GOLGA3: variants seen among roughly 807,000 people sequenced by gnomAD.
GOLGA3 encodes golgin subfamily A member 3.
A neutral mutation model predicts 169.4 loss-of-function variants in GOLGA3; 75 were observed. The observed-to-expected ratio is 0.44, with a 90% CI of 0.37 to 0.54. The LOEUF (loss-of-function observed/expected upper bound fraction) is 0.54, where lower values mean the gene tolerates loss of function less well. GOLGA3 is among the 20% of genes least tolerant of loss of function. The pLI is 0.00. For missense variants in GOLGA3, 1,899 were observed against 1,930.0 expected, an observed-to-expected ratio of 0.98 and a Z score of 0.30; for synonymous variants, 824 against 822.4, an observed-to-expected ratio of 1.00 and a Z score of -0.03.
In GOLGA3 at chr12:132,778,935, G is replaced by T. The variant is rs530378705; in HGVS notation, c.3583-1130C>A. Among the ~76,000 whole-genome samples, 6 of 152,026 alleles carry T rather than the reference G, an allele frequency of 3.9e-5. No homozygotes were observed. The East Asian group carries it at 1.2e-3, about 29-fold the overall frequency. ...AAAAAATTCAGTGAACCCTAAGCAC[G>T]GAGCGAAAGCTGGAGAGCTGGGGCA... is the stretch of plus-strand genomic sequence containing the variant. On this transcript the variant is annotated intron_variant, in intron 18 of 23. Transcript: ENST00000450791.
At chr12:132,773,831 C>T (rs1418619216) in intron 23 of GOLGA3, among the ~76,000 whole-genome samples, 3 of 113,200 alleles carry the variant, frequency 2.7e-5, no homozygotes, top group African/African-American at 3.5e-5. Context: ...AGAGGCTGTG[C>T]GAGTCCCCCT....
chr12:132,774,477 C>T, intron 22 of GOLGA3, 157 bp from the exon 23 acceptor site: 2 of 700,616 alleles, frequency 2.9e-6, no homozygotes, highest in Non-Finnish European at 4.8e-6. Flanking sequence ...GCACGACAGT[C>T]CCCGGAGCTC....
At chr12:132,816,474 C>T in intron 3 of GOLGA3, 66 bp downstream of exon 3, 1 of 1,530,788 alleles carries the variant, frequency 6.5e-7, no homozygotes, top group Non-Finnish European at 8.9e-7. Flanking sequence ...GCGCAGGGCA[C>T]CTGCTCCCAA....
chr12:132,772,798 G>T lies in GOLGA3; in HGVS notation c.*307C>A. ...GTTACGCAGCCTCTCCCTGTCACCC[G>T]CAGAGAGCAGCATCGGTGGCCGCTC... On this transcript the variant is annotated 3_prime_UTR_variant, in exon 24 of 24. Transcript: ENST00000450791. 3.9e-6 allele frequency: 1 copy of T among 254,794 alleles called. No individual in the cohort carries two copies. The highest frequency in any genetic ancestry group is 7.6e-6 in the Non-Finnish European group (1 of 132,356). The allele number at this position is 254,794 out of a possible 1,614,324, so 15.8% of individuals were successfully genotyped here.
Position 132,807,890 on chromosome 12 carries a change from CCTG to C in GOLGA3, c.1176_1178del (p.Ser393del), listed in dbSNP as rs1399223456. 6.3e-7 allele frequency: 1 copy of C among 1,596,066 alleles called. No homozygotes were observed. Among genetic ancestry groups the C allele is most frequent in the African/African-American group, 1.4e-5 (1 of 73,428 alleles). ...CCGCCCACCTCTGCTGTCCCCACCA[CCTG>C]CTGCAGATGCTGTCTCTCCGACTCC... is the stretch of plus-strand genomic sequence containing the variant. On this transcript the variant is annotated inframe_deletion and splice_region_variant, in exon 5 of 24. Coordinates refer to ENST00000450791, the MANE Select transcript of GOLGA3 (RefSeq NM_001389683.1).
chr12:132,777,241 G>A lies in GOLGA3; in HGVS notation c.3723-151C>T. The A allele has an allele frequency of 1.3e-6, 1 of 771,490 alleles. No individual in the cohort carries two copies. 47.8% of individuals were successfully genotyped at this position (771,490 alleles called of 1,614,324 possible). ...TGCAGCCATGCTTGGTGCCCACAGTGTGCACTCGGGCAGTCCTCACGAAGC... is the reference window on the plus strand; with the variant it reads ...TGCAGCCATGCTTGGTGCCCACAGTATGCACTCGGGCAGTCCTCACGAAGC... On this transcript the variant is annotated intron_variant, in intron 19 of 23. Transcript: ENST00000450791. This position sits in a 1 kb window ranked among gnomAD's most constrained non-coding sequence, Gnocchi z 4.7.
intron 7 of GOLGA3, among the ~76,000 whole-genome samples, chr12:132,802,266 T>C (rs10781650): frequency 0.59 from 89,390 of 151,792 alleles, 26,515 homozygotes; most frequent in East Asian, 0.7. Context: ...GACACCGATC[T>C]AATACATAGC....
chr12:132,811,201 GT>G (rs964530200), intron 4 of GOLGA3, among the ~76,000 whole-genome samples: 1 of 149,992 alleles, frequency 6.7e-6, no homozygotes, highest in African/African-American at 2.4e-5. Context: ...GGTGGTAGTG[GT>G]CCCCCCGGCC....
At chr12:132,827,932 A>G in intron 1 of GOLGA3, 1 of 150,384 alleles carries the variant, frequency 6.6e-6, no homozygotes, top group East Asian at 1.9e-4. Context: ...TCCATGAGTC[A>G]TCTGTAAATG....
Position 132,795,892 on chromosome 12 carries a change from A to G in GOLGA3, c.2429T>C (p.Leu810Ser), listed in dbSNP as rs762815710. ...AGCTAATTCTTCTCTTAACTTCTCTAAAGTTTCCGACGTTTCCTCGGTACC... is the reference window on the plus strand; with the variant it reads ...AGCTAATTCTTCTCTTAACTTCTCTGAAGTTTCCGACGTTTCCTCGGTACC... Reference protein sequence around the residue: ...EEGTEETSETLEKLREELAIK... With the variant: ...EEGTEETSETSEKLREELAIK... Residue 810 changes from leucine to serine, a missense_variant, in exon 11 of 24, where the codon TTA becomes TCA. Leu to Ser is a moderately radical substitution (Grantham distance 145, BLOSUM62 -2). Coordinates refer to ENST00000450791, the MANE Select transcript of GOLGA3 (RefSeq NM_001389683.1). 39 of 1,613,994 alleles carry G rather than the reference A, an allele frequency of 2.4e-5. No individual in the cohort carries two copies. Among genetic ancestry groups the G allele is most frequent in the South Asian group, 1.1e-4 (10 of 91,090 alleles).
chr12:132,786,837 G>A (rs1026941118), intron 13 of GOLGA3, 50 bp from the exon 14 acceptor site: 2 of 1,261,126 alleles, frequency 1.6e-6, no homozygotes, highest in East Asian at 2.3e-5. Context: ...CCCCCAGCCT[G>A]TCTCCCCTTC....
chr12:132,801,941 G>A lies in GOLGA3; in HGVS notation c.1626C>T (p.Ala542=), dbSNP rs754838767. The A allele has an allele frequency of 6.2e-7, 1 of 1,600,048 alleles. No individual in the cohort carries two copies. The highest frequency in any genetic ancestry group is 1.3e-5 in the African/African-American group (1 of 74,922). Residue 542 remains alanine (A), a synonymous_variant, in exon 8 of 24, where the codon GCC becomes GCT. Coordinates refer to ENST00000450791, the MANE Select transcript of GOLGA3 (RefSeq NM_001389683.1). The part of the protein sequence containing the change: ...TVHDLRQQMT[A]LQSQLQQVQL... ...GCACCTGCTGAAGCTGGCTCTGCAAGGCTGTCATCTGCTGTCGCAGGTCGT... is the reference window on the plus strand; with the variant it reads ...GCACCTGCTGAAGCTGGCTCTGCAAAGCTGTCATCTGCTGTCGCAGGTCGT...
intron 17 of GOLGA3, among the ~76,000 whole-genome samples, chr12:132,781,796 C>T (rs1337450489): frequency 1.3e-5 from 2 of 152,180 alleles, no homozygotes; most frequent in Non-Finnish European, 2.9e-5. Flanking sequence ...AGAACCAGGT[C>T]AGGGTTCAAG....
intron 7 of GOLGA3, among the ~76,000 whole-genome samples, chr12:132,802,502 G>A (rs1349616519): frequency 6.6e-6 from 1 of 152,046 alleles, no homozygotes; most frequent in South Asian, 2.1e-4. Context: ...GCATGCATCT[G>A]TGGTCCCAGC....
At chr12:132,791,354 C>G (rs2046222404) in intron 11 of GOLGA3, 61 bp from the exon 12 acceptor site, 6 of 913,474 alleles carry the variant, frequency 6.6e-6, no homozygotes, top group Middle Eastern at 2.2e-4. Context: ...TCTGTCTGCA[C>G]AGATGTTACA....
At chr12:132,779,950 TAC>T (rs1274552411) in intron 18 of GOLGA3, among the ~76,000 whole-genome samples, 4 of 115,764 alleles carry the variant, frequency 3.5e-5, no homozygotes, top group East Asian at 5.6e-4. Flanking sequence ...CACACGCGTA[TAC>T]AGACATCACA....
chr12:132,820,088 A>G (rs185066223), intron 2 of GOLGA3, among the ~76,000 whole-genome samples: 300 of 152,128 alleles, frequency 2.0e-3, no homozygotes, highest in African/African-American at 6.8e-3. Context: ...GAGGCAGAAG[A>G]TCGCTTGAAC....
chr12:132,790,894 A>C (rs2046189600), intron 12 of GOLGA3, among the ~76,000 whole-genome samples: 1 of 151,636 alleles, frequency 6.6e-6, no homozygotes, highest in Non-Finnish European at 1.5e-5. Flanking sequence ...AATACAAAAA[A>C]CAAAAAATTA....
At chr12:132,796,867 C>T (rs150851556) in intron 9 of GOLGA3, among the ~76,000 whole-genome samples, 167 bp from the exon 10 acceptor site, 68 of 152,332 alleles carry the variant, frequency 4.5e-4, no homozygotes, top group Admixed American at 1.5e-3. Context: ...GCAGCTTGGC[C>T]GCCCCCCAAC....
Sources: gnomAD v4.1 joint callset for allele counts (sites outside exome capture counted in the v4.1 genomes callset) on GRCh38, gnomAD v4.1.1 for gene constraint, Gnocchi (gnomAD v3.1) non-coding constraint, MANE v1.5 for transcripts, NCBI Gene and HGNC (gene_info 2026-07-23, HGNC 2026-07-21) for gene names.